SAMD12: variants seen among roughly 807,000 people sequenced by gnomAD.
SAMD12 encodes the protein sterile alpha motif domain-containing protein 12.
Under a neutral mutation model 15.0 loss-of-function variants are expected in SAMD12, and 9 were observed. The observed-to-expected ratio is 0.60, with a 90% CI of 0.36 to 1.05. The LOEUF is 1.05. Among genes scored for constraint, SAMD12 ranks in the 50% least tolerant of loss-of-function variants. The pLI is 0.01. For missense variants in SAMD12, 230 were observed against 234.2 expected (o/e 0.98, Z 0.12); for synonymous variants, 86 against 90.1 (o/e 0.96, Z 0.25).
intron 4 of SAMD12, among the ~76,000 whole-genome samples, chr8:118,273,526 A>T (rs978491788): frequency 6.6e-6 from 1 of 152,196 alleles, no homozygotes; most frequent in African/African-American, 2.4e-5. Context: ...TAAGAGAAAG[A>T]TCCACAATAA....
chr8:118,340,257 T>A (rs750430096), intron 4 of SAMD12, among the ~76,000 whole-genome samples: 2 of 152,122 alleles, frequency 1.3e-5, no homozygotes, highest in African/African-American at 4.8e-5. Flanking sequence ...ATGTCAAAGA[T>A]GAATGGGAGC....
rs1424785448 is a variant in SAMD12 at position 118,417,299 on chromosome 8, G to T, written c.322+22533C>A. 2.6e-5 allele frequency among the ~76,000 whole-genome samples: 4 copies of T among 152,198 alleles called. No individual in the cohort carries two copies. The South Asian group carries it at 6.2e-4, about 24-fold the overall frequency. On this transcript the variant is annotated intron_variant, in intron 3 of 3. Coordinates refer to ENST00000314727, the MANE Select transcript of SAMD12 (RefSeq NM_207506.3). ...GGGTCTCATTATGTTGCTCAGGGAGGTCTTGAACTCCCAGTCTCAGGTGAT... is the reference window on the plus strand; with the variant it reads ...GGGTCTCATTATGTTGCTCAGGGAGTTCTTGAACTCCCAGTCTCAGGTGAT...
At chr8:118,295,816 T>C (rs1199952605) in intron 4 of SAMD12, 1 of 151,994 alleles carries the variant, frequency 6.6e-6, no homozygotes, top group Non-Finnish European at 1.5e-5. Context: ...TCATGTTAAT[T>C]TTTTCTTTTG....
At chr8:118,610,333 G>T (rs117489729) in intron 1 of SAMD12, among the ~76,000 whole-genome samples, 3,869 of 152,206 alleles carry the variant, frequency 0.025, 82 homozygotes, top group Non-Finnish European at 0.033. Context: ...AGTAACCAAG[G>T]TTTCCAAAAG....
In SAMD12 at chr8:118,369,266, A is replaced by G. The variant is rs146790564; in HGVS notation, c.433+10294T>C. ...AGAAATAAGAGTGCACACCTACAAC[A>G]ATCTGATCTTTGACAAACCTGACAA... On this transcript the variant is annotated intron_variant, in intron 4 of 4. Transcript: ENST00000409003. Among the ~76,000 whole-genome samples the G allele has an allele frequency of 8.1e-3, 1,237 of 152,282 alleles. 18 individuals carry two copies. Among genetic ancestry groups the G allele is most frequent in the African/African-American group, 0.028 (1,179 of 41,562 alleles).
chr8:118,618,504 G>A (rs1478782659), intron 1 of SAMD12, among the ~76,000 whole-genome samples: 3 of 152,160 alleles, frequency 2.0e-5, no homozygotes, highest in Admixed American at 6.5e-5. Flanking sequence ...TACTTAGGAT[G>A]CAGGTTCCAG....
intron 3 of SAMD12, among the ~76,000 whole-genome samples, chr8:118,391,878 A>G (rs1820293636): frequency 6.6e-6 from 1 of 152,046 alleles, no homozygotes; most frequent in Admixed American, 6.6e-5. Context: ...AAAAACAATA[A>G]TGTGATAAAA....
chr8:118,272,598 T>C (rs1465153050), intron 4 of SAMD12, among the ~76,000 whole-genome samples: 1 of 152,196 alleles, frequency 6.6e-6, no homozygotes, highest in East Asian at 1.9e-4. Flanking sequence ...TTCCAAACTT[T>C]TATGGTCTGC....
intron 1 of SAMD12, among the ~76,000 whole-genome samples, chr8:118,599,490 C>A (rs777320225): frequency 6.6e-6 from 1 of 152,290 alleles, no homozygotes; most frequent in African/African-American, 2.4e-5. Flanking sequence ...TGCCCAGGTG[C>A]GGAGCGCTGC....
chr8:118,541,884 G>A (rs915746109), intron 2 of SAMD12, among the ~76,000 whole-genome samples: 3 of 151,992 alleles, frequency 2.0e-5, no homozygotes, highest in South Asian at 2.1e-4. Context: ...ATGGAGTCTC[G>A]CTATGCTACC....
intron 2 of SAMD12, among the ~76,000 whole-genome samples, chr8:118,523,293 A>G (rs1248972151): frequency 6.6e-6 from 1 of 152,198 alleles, no homozygotes; most frequent in Non-Finnish European, 1.5e-5. Context: ...ACAAAAGGGT[A>G]CAAGTCTACT....
chr8:118,164,709 T>C, the SAMD12 span, among the ~76,000 whole-genome samples: 1 of 152,012 alleles, frequency 6.6e-6, no homozygotes, highest in East Asian at 1.9e-4. Flanking sequence ...TTTTTAAACT[T>C]CATCAAGCCT....
intron 4 of SAMD12, among the ~76,000 whole-genome samples, chr8:118,198,352 T>C (rs769364617): frequency 1.3e-5 from 2 of 152,194 alleles, no homozygotes; most frequent in Non-Finnish European, 2.9e-5. Flanking sequence ...AGTATAAAAA[T>C]ATTAATGTAT....
At chr8:118,598,593 A>C (rs1025164709) in intron 1 of SAMD12, among the ~76,000 whole-genome samples, 9 of 152,220 alleles carry the variant, frequency 5.9e-5, no homozygotes, top group African/African-American at 2.2e-4. Flanking sequence ...CACTGAAAAG[A>C]AACTACTTAT....
chr8:118,261,042 T>C (rs774868776), intron 4 of SAMD12, among the ~76,000 whole-genome samples: 1 of 152,138 alleles, frequency 6.6e-6, no homozygotes, highest in Non-Finnish European at 1.5e-5. Context: ...GGGAAGATGC[T>C]CAACAAACGT....
downstream of SAMD12, chr8:118,377,907 A>G (rs1214391336): frequency 1.3e-5 from 2 of 152,186 alleles, no homozygotes; most frequent in Non-Finnish European, 2.9e-5. Flanking sequence ...GCATATGTGT[A>G]TTTTCTGATT....
the SAMD12 span, among the ~76,000 whole-genome samples, chr8:118,151,839 G>GAAA: frequency 1.4e-5 from 2 of 138,710 alleles, no homozygotes. Flanking sequence ...CAAAAAAAAA[G>GAAA]AAAAAAAAAA....
chr8:118,200,273 T>A (rs1242733188), intron 4 of SAMD12, among the ~76,000 whole-genome samples: 1 of 151,968 alleles, frequency 6.6e-6, no homozygotes, highest in Non-Finnish European at 1.5e-5. Flanking sequence ...TGTGTCCCCC[T>A]CTAGTGACAT....
chr8:118,596,683 T>C (rs1188063330), intron 1 of SAMD12, among the ~76,000 whole-genome samples: 3 of 152,230 alleles, frequency 2.0e-5, no homozygotes, highest in African/African-American at 7.2e-5. Flanking sequence ...TTCTAGGTTG[T>C]CTTCTTCCTG....
Sources: allele counts gnomAD v4.1 joint callset (sites outside exome capture counted in the v4.1 genomes callset), GRCh38; gene constraint gnomAD v4.1.1; transcripts MANE v1.5; gene names NCBI Gene and HGNC (gene_info 2026-07-23, HGNC 2026-07-21).